Variants in SLC23A2 observed in about 807,000 individuals in gnomAD.
The protein encoded by SLC23A2 is solute carrier family 23 member 2, also known as Na(+)/L-ascorbic acid transporter 2.
Under a neutral mutation model 73.3 loss-of-function variants are expected in SLC23A2, and 36 were observed. The observed-to-expected ratio is 0.49, with a 90% confidence interval of 0.38 to 0.65. The LOEUF (loss-of-function observed/expected upper bound fraction) is 0.65. SLC23A2 is among the 30% of genes least tolerant of loss of function. The probability of loss-of-function intolerance (pLI) is 0.00; values close to 1 mark genes in which losing one functional copy is unlikely to be tolerated. For missense variants in SLC23A2, 507 were observed against 841.6 expected (o/e 0.60, Z 4.92); for synonymous variants, 343 against 327.3 (o/e 1.05, Z -0.52).
chr20:4,990,814 C>T lies in SLC23A2; in HGVS notation c.-282+10592G>A, dbSNP rs531458000. ...CCTGACCAACATGGTGAAACCCTGT[C>T]TTTACTAAAAACACAAAAGTGGCCA... On this transcript the variant is annotated intron_variant, in intron 1 of 16. Coordinates refer to ENST00000338244, the MANE Select transcript of SLC23A2 (RefSeq NM_005116.6). Among the ~76,000 whole-genome samples the T allele has an allele frequency of 1.1e-4, 16 of 150,054 alleles. No homozygotes were observed. In the South Asian group the frequency reaches 3.2e-3, roughly 30 times the overall value.
intron 1 of SLC23A2, among the ~76,000 whole-genome samples, chr20:4,986,355 C>T (rs997229906): frequency 1.2e-4 from 18 of 151,798 alleles, no homozygotes; most frequent in African/African-American, 4.4e-4. Context: ...ATTTTTTTGC[C>T]CAAGCTGGAG....
At chr20:5,001,194 C>T (rs1225915688) in intron 1 of SLC23A2, among the ~76,000 whole-genome samples, 1 of 150,632 alleles carries the variant, frequency 6.6e-6, no homozygotes, top group Non-Finnish European at 1.5e-5. Context: ...GGCCGCCGGG[C>T]ATCTTGGGCC....
At chr20:4,904,800 C>T (rs1018539051) in intron 4 of SLC23A2, among the ~76,000 whole-genome samples, 1 of 152,098 alleles carries the variant, frequency 6.6e-6, no homozygotes, top group Non-Finnish European at 1.5e-5. Flanking sequence ...ATTCCAAAAC[C>T]ACTAGTGTTA....
At chr20:4,867,740 C>T (rs1306317333) in intron 13 of SLC23A2, 30 bp downstream of exon 13, 5 of 1,284,474 alleles carry the variant, frequency 3.9e-6, no homozygotes, top group Non-Finnish European at 5.7e-6. Flanking sequence ...GCTTAGAAAC[C>T]CAATCATTTA....
In SLC23A2 at chr20:4,869,816, T is replaced by C. The variant is rs893369719; in HGVS notation, c.1250+90A>G. 6 of 1,233,410 alleles carry C rather than the reference T, an allele frequency of 4.9e-6. No individual in the cohort carries two copies. The African/African-American group carries it at 9.0e-5, about 19-fold the overall frequency. 76.4% of individuals were successfully genotyped at this position (1,233,410 alleles called of 1,614,324 possible). On this transcript the variant is annotated intron_variant, in intron 12 of 16. Transcript: ENST00000338244. ...TGCTTGGCTGGGCTCCTGCTGAAAC[T>C]CTTGGTTTTGTCTTCAAGGTAATGT...
chr20:4,938,444 T>G (rs1411811317), intron 2 of SLC23A2, among the ~76,000 whole-genome samples: 2 of 150,778 alleles, frequency 1.3e-5, no homozygotes, highest in East Asian at 2.0e-4. Context: ...GTTCAAGCAA[T>G]TCTCCTGCCT....
upstream of SLC23A2, among the ~76,000 whole-genome samples, chr20:5,006,132 C>G (rs544989918): frequency 1.9e-4 from 29 of 152,236 alleles, no homozygotes; most frequent in African/African-American, 6.7e-4. Context: ...GAGTCTCACT[C>G]TGTCGCCCAG....
chr20:4,861,922 C>G (rs1415088516), intron 15 of SLC23A2, 26 bp downstream of exon 15: 1 of 1,611,638 alleles, frequency 6.2e-7, no homozygotes, highest in South Asian at 1.1e-5. Flanking sequence ...AGCTCCCACT[C>G]CAAGATGTAA....
At chr20:4,893,002 T>C (rs1424002781) in intron 6 of SLC23A2, among the ~76,000 whole-genome samples, 9 of 151,938 alleles carry the variant, frequency 5.9e-5, no homozygotes, top group Admixed American at 3.9e-4. Context: ...TCTCCTGTGA[T>C]ACACAAGAGA....
chr20:4,873,047 GC>G (rs908693243), intron 11 of SLC23A2, among the ~76,000 whole-genome samples: 39 of 152,244 alleles, frequency 2.6e-4, no homozygotes, highest in African/African-American at 8.9e-4. Flanking sequence ...GTCCCGCCGC[GC>G]CCGGCCTGAA....
At chr20:4,915,883 G>A (rs754035791) in intron 3 of SLC23A2, among the ~76,000 whole-genome samples, 5 of 152,204 alleles carry the variant, frequency 3.3e-5, no homozygotes, top group Non-Finnish European at 5.9e-5. Flanking sequence ...AGGAGGTGGA[G>A]GTTGCAGTGA....
chr20:4,985,644 C>T (rs2087813119), intron 1 of SLC23A2, among the ~76,000 whole-genome samples: 4 of 152,146 alleles, frequency 2.6e-5, no homozygotes, highest in Admixed American at 2.6e-4. Flanking sequence ...CGCAGGGTTT[C>T]ACCATGTTGG....
At chr20:4,955,384 CACACACACACACA>C (rs1568640990) in intron 2 of SLC23A2, among the ~76,000 whole-genome samples, 3 of 151,848 alleles carry the variant, frequency 2.0e-5, no homozygotes, top group African/African-American at 7.3e-5. Flanking sequence ...CACACACACA[CACACACACACACA>C]CCCTAGAATA....
rs192386750 is a variant in SLC23A2, at chr20:4,932,496, A to G, written c.67T>C (p.Tyr23His). Residue 23 changes from tyrosine to histidine, a missense_variant, in exon 3 of 17, where the codon TAC becomes CAC. By Grantham distance (83) the Tyr-to-His change is moderately conservative. Transcript: ENST00000338244. ...MEAGSSTEGK[Y>H]EDEAKHPAFF... ...GCTGGGTGCTTTGCCTCGTCTTCGT[A>G]TTTGCCTTCTGTTGAACTTCCAGCC... 3.5e-5 allele frequency: 56 copies of G among 1,609,954 alleles called. No individual in the cohort carries two copies. In the Admixed American group the frequency reaches 7.3e-4, roughly 21 times the overall value.
chr20:4,902,403 A>G lies in SLC23A2; in HGVS notation c.324+39T>C, dbSNP rs781265884. 2.7e-5 allele frequency: 30 copies of G among 1,107,576 alleles called. No individual in the cohort carries two copies. Among genetic ancestry groups the G allele is most frequent in the Non-Finnish European group, 3.9e-5 (29 of 744,910 alleles). The allele number at this position is 1,107,576 out of a possible 1,614,324, so 68.6% of individuals were successfully genotyped here. A position where few individuals can be genotyped will look rare whatever the true frequency, so the allele number is the denominator to read the frequency against. ...ATTCCAGATGGTAGACAATGCAAAC[A>G]CCTGCTGGTAGTTACACATCCTACA... On this transcript the variant is annotated intron_variant, in intron 5 of 16. Transcript: ENST00000338244. This position sits in a 1 kb window ranked among gnomAD's most constrained non-coding sequence, Gnocchi z 4.0.
At chr20:4,955,523 T>C (rs962592565) in intron 2 of SLC23A2, among the ~76,000 whole-genome samples, 1 of 152,134 alleles carries the variant, frequency 6.6e-6, no homozygotes. Flanking sequence ...GTGCGATGGC[T>C]CATGCCTGTA....
chr20:4,985,269 T>C (rs187228747), intron 1 of SLC23A2, among the ~76,000 whole-genome samples: 4 of 152,280 alleles, frequency 2.6e-5, no homozygotes. Flanking sequence ...ACAGCATTAT[T>C]TATAACAGGC....
At chr20:4,909,353 A>T (rs1203538918) in intron 4 of SLC23A2, among the ~76,000 whole-genome samples, 1 of 152,196 alleles carries the variant, frequency 6.6e-6, no homozygotes, top group Non-Finnish European at 1.5e-5. Flanking sequence ...TCTCAGTTTT[A>T]GGACGGTTAC....
At chr20:4,968,440 T>C (rs1055256503) in intron 2 of SLC23A2, among the ~76,000 whole-genome samples, 1 of 152,164 alleles carries the variant, frequency 6.6e-6, no homozygotes, top group Non-Finnish European at 1.5e-5. Flanking sequence ...AACGGCTTCA[T>C]GCAACATGAG....
Sources: allele counts gnomAD v4.1 joint callset (sites outside exome capture counted in the v4.1 genomes callset), GRCh38; gene constraint gnomAD v4.1.1; non-coding constraint Gnocchi (gnomAD v3.1); transcripts MANE v1.5; gene names NCBI Gene and HGNC (gene_info 2026-07-23, HGNC 2026-07-21).